DICER1: variants seen among roughly 807,000 people sequenced by gnomAD.
DICER1 encodes dicer 1, ribonuclease III, also known as endoribonuclease Dicer.
DICER1 carries 43 observed loss-of-function variants against 194.1 expected under a neutral mutation model. The ratio of observed to expected loss-of-function variants is 0.22; its 90% CI spans 0.17 to 0.29. The LOEUF (loss-of-function observed/expected upper bound fraction) is 0.29, where lower values mean the gene tolerates loss of function less well. Ranked by LOEUF, DICER1 falls within the 10% of genes least tolerant of loss-of-function variation. DICER1 has a pLI of 1.00. For synonymous variants in DICER1, 832 were observed against 820.5 expected (o/e 1.01, Z -0.24); for missense variants, 1,608 against 2,317.0 (o/e 0.69, Z 6.28).
In DICER1 at chr14:95,089,180, T is replaced by C. The variant is rs1889575242; in HGVS notation, c.*1318A>G. On this transcript the variant is annotated 3_prime_UTR_variant, in exon 27 of 27. Coordinates refer to ENST00000343455, the MANE Select transcript of DICER1 (RefSeq NM_177438.3). ...TGCCTACAAGTCTAATTAAAGAAAC[T>C]TAGGCAAATGCCTAAAGAAGTTTTT... The C allele has an allele frequency of 4.3e-6, 1 of 232,608 alleles. No individual in the cohort carries two copies. The highest frequency in any genetic ancestry group is 8.5e-6 in the Non-Finnish European group (1 of 117,878). The allele number at this position is 232,608 out of a possible 1,614,324, so 14.4% of individuals were successfully genotyped here.
At position 95,124,502 on chromosome 14, in the gene DICER1, G is replaced by C. The variant is rs1555374756; in HGVS notation, c.1070C>G (p.Ala357Gly). The C allele has an allele frequency of 6.2e-7, 1 of 1,614,070 alleles. No homozygotes were observed. The highest frequency in any genetic ancestry group is 8.5e-7 in the Non-Finnish European group (1 of 1,180,020). The change falls in exon 8 of 27, where the codon GCA becomes GGA. Residue 357 changes from alanine to glycine, a missense_variant. Ala to Gly is a moderately conservative substitution (Grantham distance 60). Coordinates refer to ENST00000343455, the MANE Select transcript of DICER1 (RefSeq NM_177438.3). This position sits in a 1 kb window ranked among gnomAD's most constrained non-coding sequence, Gnocchi z 4.5. ...AGGTGAGAAGTGCTCTTCACATAGT[G>C]CATGTATTTTCCTTAGGAAAGTGTC... Reference protein sequence around the residue: ...FTDTFLRKIHALCEEHFSPAS... With the variant: ...FTDTFLRKIHGLCEEHFSPAS...
chr14:95,156,271 A>G (rs1372750698), intron 1 of DICER1, among the ~76,000 whole-genome samples: 1 of 152,264 alleles, frequency 6.6e-6, no homozygotes, highest in African/African-American at 2.4e-5. Context: ...ATTCGAAGAC[A>G]GAAGCATAGG....
chr14:95,149,384 C>T (rs561652820), intron 1 of DICER1, among the ~76,000 whole-genome samples: 88 of 152,262 alleles, frequency 5.8e-4, no homozygotes, highest in Non-Finnish European at 9.8e-4. Flanking sequence ...CTCATGTTAT[C>T]TGCCTTTCCC....
In DICER1 at chr14:95,124,149, G is replaced by C. The variant is rs974826292; in HGVS notation, c.1376+47C>G. The C allele has an allele frequency of 2.8e-6, 4 of 1,403,900 alleles. No homozygotes were observed. Among genetic ancestry groups the C allele is most frequent in the Non-Finnish European group, 4.0e-6 (4 of 994,896 alleles). 87.0% of individuals were successfully genotyped at this position (1,403,900 alleles called of 1,614,324 possible). On this transcript the variant is annotated intron_variant, in intron 8 of 26. Transcript: ENST00000343455. The surrounding 1 kb of genome is among the most constrained non-coding windows in gnomAD (Gnocchi z 4.5). ...CTGCAGCGCATCACATCACAACACA[G>C]GACGCCTCCCTGTTCTCATGTGAAA...
chr14:95,156,875 C>T (rs1895914553), intron 1 of DICER1, among the ~76,000 whole-genome samples: 1 of 152,122 alleles, frequency 6.6e-6, no homozygotes, highest in African/African-American at 2.4e-5. Flanking sequence ...CACCTTAGCG[C>T]GCGTGACGGG....
intron 8 of DICER1, among the ~76,000 whole-genome samples, chr14:95,123,419 G>T (rs1306583821): frequency 6.6e-6 from 1 of 152,024 alleles, no homozygotes; most frequent in East Asian, 1.9e-4. Flanking sequence ...TTTGCACTGT[G>T]GCCTTGAAAA....
At chr14:95,126,770 G>T in intron 6 of DICER1, 22 bp from the exon 7 acceptor site, 1 of 1,469,468 alleles carries the variant, frequency 6.8e-7, no homozygotes, top group African/African-American at 1.5e-5. Context: ...GAAACAAAAG[G>T]TATCAATACT....
chr14:95,129,545 C>A lies in DICER1; in HGVS notation c.661G>T (p.Glu221Ter). 1 of 1,613,902 alleles carries A rather than the reference C, an allele frequency of 6.2e-7. No individual in the cohort carries two copies. Among genetic ancestry groups the A allele is most frequent in the Non-Finnish European group, 8.5e-7 (1 of 1,179,876 alleles). ...NGKCDPEELEEKIQKLEKILK... is the reference protein window; with the variant it reads ...NGKCDPEELE ...ATTTTCTCTAGTTTCTGAATCTTTTCTTCCAATTCCTCTGGATCACATTTC... is the reference window on the plus strand; with the variant it reads ...ATTTTCTCTAGTTTCTGAATCTTTTATTCCAATTCCTCTGGATCACATTTC... The change falls in exon 6 of 27, where the codon GAA (glutamate) becomes TAA (stop). Residue 221 changes from glutamate to a stop codon, truncating the protein, a stop_gained. Transcript: ENST00000343455. LOFTEE classifies it high-confidence loss of function.
At chr14:95,108,163 G>C in intron 15 of DICER1, 70 bp from the exon 16 acceptor site, 5 of 1,350,398 alleles carry the variant, frequency 3.7e-6, no homozygotes, top group Non-Finnish European at 2.1e-6. Context: ...GTTAACTTCA[G>C]AACAGAAATG....
intron 6 of DICER1, among the ~76,000 whole-genome samples, chr14:95,127,897 A>G (rs897458288): frequency 1.3e-5 from 2 of 152,258 alleles, no homozygotes; most frequent in African/African-American, 4.8e-5. Flanking sequence ...GGTGTTCAAA[A>G]TACTCATGAA....
chr14:95,143,059 G>C (rs990017217), intron 1 of DICER1, among the ~76,000 whole-genome samples: 2 of 152,056 alleles, frequency 1.3e-5, no homozygotes, highest in Non-Finnish European at 2.9e-5. Flanking sequence ...AGCCCAAAAT[G>C]CATGACTTCT....
chr14:95,136,510 A>G (rs1894385668), intron 1 of DICER1: 1 of 152,110 alleles, frequency 6.6e-6, no homozygotes, highest in Admixed American at 6.5e-5. Flanking sequence ...ACGACTGGCT[A>G]ATTTTTTAAT....
intron 14 of DICER1, 115 bp from the exon 15 acceptor site, chr14:95,108,618 A>T (rs953045889): frequency 9.4e-6 from 9 of 961,544 alleles, no homozygotes; most frequent in South Asian, 1.4e-5. Context: ...AGAATAAGCT[A>T]AGAAAATACC....
chr14:95,155,218 G>C (rs1419481116), intron 1 of DICER1, among the ~76,000 whole-genome samples: 1 of 152,160 alleles, frequency 6.6e-6, no homozygotes. Context: ...AAACATCTTG[G>C]CGCATAACAA....
intron 14 of DICER1, 37 bp downstream of exon 14, chr14:95,111,280 A>T: frequency 6.2e-7 from 1 of 1,613,716 alleles, no homozygotes; most frequent in Non-Finnish European, 8.5e-7. Context: ...CAAAGTCAGA[A>T]ATGCTAGGTT....
intron 1 of DICER1, among the ~76,000 whole-genome samples, chr14:95,147,148 T>C (rs182339052): frequency 6.6e-6 from 1 of 152,310 alleles, no homozygotes; most frequent in African/African-American, 2.4e-5. Flanking sequence ...GCTAGAGACA[T>C]ACAATTCTGT....
intron 9 of DICER1, among the ~76,000 whole-genome samples, chr14:95,117,096 C>G (rs1892541102): frequency 6.6e-6 from 1 of 152,040 alleles, no homozygotes; most frequent in South Asian, 2.1e-4. Flanking sequence ...GTGTACAAGC[C>G]AGACCATGGT....
intron 7 of DICER1, among the ~76,000 whole-genome samples, chr14:95,125,161 G>A (rs77034506): frequency 0.058 from 8,763 of 152,120 alleles, 548 homozygotes; most frequent in East Asian, 0.29. Context: ...TGGATGCCAC[G>A]GTGAGACTGT....
chr14:95,149,897 T>A (rs1419408206), intron 1 of DICER1, among the ~76,000 whole-genome samples: 1 of 152,222 alleles, frequency 6.6e-6, no homozygotes, highest in African/African-American at 2.4e-5. Flanking sequence ...ACATCCTCGA[T>A]CTTGGCACCC....
Sources: allele counts gnomAD v4.1 joint callset (sites outside exome capture counted in the v4.1 genomes callset), GRCh38; gene constraint gnomAD v4.1.1; non-coding constraint Gnocchi (gnomAD v3.1); transcripts MANE v1.5; gene names NCBI Gene and HGNC (gene_info 2026-07-23, HGNC 2026-07-21).